XYLT1: variants seen among roughly 807,000 people sequenced by gnomAD.
XYLT1 encodes the protein beta-D-xylosyltransferase 1.
In XYLT1, 36 loss-of-function variants were observed where a neutral mutation model predicts 91.3. The observed-to-expected ratio is 0.39, with a 90% CI of 0.30 to 0.52. The LOEUF is 0.52. Ranked by LOEUF, XYLT1 falls within the 20% of genes least tolerant of loss-of-function variation. The pLI is 0.68. For synonymous variants in XYLT1, 588 were observed against 532.0 expected, an observed-to-expected ratio of 1.11 and a Z score of -1.45; for missense variants, 1,242 against 1,284.5, an observed-to-expected ratio of 0.97 and a Z score of 0.51.
At chr16:17,454,913 G>A (rs28612718) in intron 1 of XYLT1, among the ~76,000 whole-genome samples, 4 of 30,138 alleles carry the variant, frequency 1.3e-4, no homozygotes, top group African/African-American at 3.7e-4. Flanking sequence ...TCCCCCCCCC[G>A]CCCCCCCCCG....
intron 1 of XYLT1, among the ~76,000 whole-genome samples, chr16:17,416,489 C>T (rs764450163): frequency 6.6e-6 from 1 of 152,192 alleles, no homozygotes; most frequent in Non-Finnish European, 1.5e-5. Context: ...CAGAGGGTAC[C>T]TGGGAGGGAC....
intron 3 of XYLT1, among the ~76,000 whole-genome samples, chr16:17,253,104 G>A (rs1201665879): frequency 6.6e-6 from 1 of 152,176 alleles, no homozygotes; most frequent in Non-Finnish European, 1.5e-5. Context: ...CACAATCCCC[G>A]TATGGGGTGT....
At position 17,139,173 on chromosome 16, in the gene XYLT1, T is replaced by TTGAGAGACTGCC. The variant is rs1293937880; in HGVS notation, c.1588-654_1588-643dup. 4.6e-5 allele frequency among the ~76,000 whole-genome samples: 7 copies of TTGAGAGACTGCC among 152,330 alleles called. No homozygotes were observed. In the East Asian group the frequency reaches 1.4e-3, roughly 29 times the overall value. On this transcript the variant is annotated intron_variant, in intron 7 of 11. Transcript: ENST00000261381. The stretch of plus-strand genomic sequence containing the variant: ...GAGAAACAATCAATCACTGGAGTAC[T>TTGAGAGACTGCC]TGAGAGACTGCCAGAGAGTGAGAGA...
At chr16:17,133,728 TGAGAG>T (rs940198190) in intron 9 of XYLT1, among the ~76,000 whole-genome samples, 7 of 152,026 alleles carry the variant, frequency 4.6e-5, no homozygotes, top group African/African-American at 1.4e-4. Context: ...GGGAAAGAGA[TGAGAG>T]GAGAAGGGAT....
chr16:17,443,754 C>T (rs982020531), intron 1 of XYLT1, among the ~76,000 whole-genome samples: 2 of 152,178 alleles, frequency 1.3e-5, no homozygotes, highest in African/African-American at 4.8e-5. Flanking sequence ...AGGAGTGGGA[C>T]ATTATATAAA....
chr16:17,324,226 G>A (rs2034767017), intron 2 of XYLT1, among the ~76,000 whole-genome samples: 1 of 152,164 alleles, frequency 6.6e-6, no homozygotes, highest in African/African-American at 2.4e-5. Flanking sequence ...AAGGACAGAA[G>A]AGAAAAGGGA....
intron 5 of XYLT1, among the ~76,000 whole-genome samples, chr16:17,160,169 T>G (rs991081644): frequency 6.6e-6 from 1 of 152,240 alleles, no homozygotes; most frequent in Non-Finnish European, 1.5e-5. Context: ...GGATGTCATT[T>G]AACCTCACTG....
At chr16:17,413,941 G>C (rs1259053570) in intron 1 of XYLT1, among the ~76,000 whole-genome samples, 1 of 152,130 alleles carries the variant, frequency 6.6e-6, no homozygotes, top group Non-Finnish European at 1.5e-5. Context: ...CCTGGGGCCA[G>C]GTAGCAGGCA....
At chr16:17,468,849 A>C (rs1242150362) in intron 1 of XYLT1, among the ~76,000 whole-genome samples, 1 of 151,836 alleles carries the variant, frequency 6.6e-6, no homozygotes, top group African/African-American at 2.4e-5. Flanking sequence ...CACGACCCAC[A>C]ACCCTCCCAC....
At chr16:17,456,125 G>A (rs2036738272) in intron 1 of XYLT1, among the ~76,000 whole-genome samples, 1 of 152,140 alleles carries the variant, frequency 6.6e-6, no homozygotes, top group African/African-American at 2.4e-5. Context: ...CACAGAGGAT[G>A]GGAATCAGGG....
chr16:17,126,054 T>C (rs955371505), intron 10 of XYLT1, among the ~76,000 whole-genome samples: 1 of 152,252 alleles, frequency 6.6e-6, no homozygotes, highest in Non-Finnish European at 1.5e-5. Flanking sequence ...CCTGTAGTTC[T>C]TCCTTGCCTT....
intron 2 of XYLT1, among the ~76,000 whole-genome samples, chr16:17,305,627 G>T (rs1401552194): frequency 6.6e-6 from 1 of 151,832 alleles, no homozygotes; most frequent in East Asian, 1.9e-4. Flanking sequence ...TGTTGGCCAG[G>T]GTGGTCTCGA....
chr16:17,112,457 A>T (rs1234786332), intron 11 of XYLT1, among the ~76,000 whole-genome samples: 1 of 151,674 alleles, frequency 6.6e-6, no homozygotes, highest in African/African-American at 2.4e-5. Flanking sequence ...CTAGAAGAAA[A>T]CACTGGAAAA....
intron 3 of XYLT1, among the ~76,000 whole-genome samples, chr16:17,213,650 G>A (rs893308813): frequency 5.9e-5 from 9 of 151,350 alleles, no homozygotes; most frequent in African/African-American, 2.2e-4. Flanking sequence ...ACTGAGTCTC[G>A]CACTGTCGCC....
chr16:17,181,131 A>G (rs2032057464), intron 5 of XYLT1, among the ~76,000 whole-genome samples: 1 of 152,208 alleles, frequency 6.6e-6, no homozygotes, highest in African/African-American at 2.4e-5. Flanking sequence ...GAAATGGAAT[A>G]TGTTGTTTCA....
intron 2 of XYLT1, among the ~76,000 whole-genome samples, chr16:17,316,423 GTCTC>G (rs1157831753): frequency 6.6e-6 from 1 of 152,218 alleles, no homozygotes; most frequent in South Asian, 2.1e-4. Flanking sequence ...TTTTGAGACA[GTCTC>G]TCTCTGTCGC....
In XYLT1 at chr16:17,189,520, T is replaced by C. The variant is rs150747841; in HGVS notation, c.1289+8692A>G. On this transcript the variant is annotated intron_variant, in intron 5 of 11. Coordinates refer to ENST00000261381, the MANE Select transcript of XYLT1 (RefSeq NM_022166.4). ...CTCAATTCAGGGCATACAGTGCAGA[T>C]ACAACATGGCCAGGAGACAGGGGCT... Among the ~76,000 whole-genome samples, 1,378 of 152,288 alleles carry C rather than the reference T, an allele frequency of 9.0e-3. 13 individuals carry two copies. Among genetic ancestry groups the C allele is most frequent in the African/African-American group, 0.032 (1,321 of 41,564 alleles).
intron 1 of XYLT1, among the ~76,000 whole-genome samples, chr16:17,380,539 T>C (rs542695800): frequency 6.6e-6 from 1 of 152,288 alleles, no homozygotes; most frequent in African/African-American, 2.4e-5. Context: ...TCCTTATATT[T>C]AAAAAGCAAG....
chr16:17,184,044 T>A (rs1378511167), intron 5 of XYLT1, among the ~76,000 whole-genome samples: 1 of 152,040 alleles, frequency 6.6e-6, no homozygotes, highest in Non-Finnish European at 1.5e-5. Context: ...AAGGGAAGAA[T>A]AATAGACTCT....
Sources: gnomAD v4.1 joint callset for allele counts (sites outside exome capture counted in the v4.1 genomes callset) on GRCh38, gnomAD v4.1.1 for gene constraint, MANE v1.5 for transcripts, NCBI Gene and HGNC (gene_info 2026-07-23, HGNC 2026-07-21) for gene names.